KLF8: variants seen among roughly 807,000 people sequenced by gnomAD.
KLF8 encodes Krueppel-like factor 8.
A neutral mutation model predicts 18.2 loss-of-function variants in KLF8; 10 were observed. That is an observed-to-expected ratio of 0.55 (90% confidence interval 0.34 to 0.93). The LOEUF (loss-of-function observed/expected upper bound fraction) is 0.93, where lower values mean the gene tolerates loss of function less well. Ranked by LOEUF, KLF8 falls within the 40% of genes least tolerant of loss-of-function variation. KLF8 has a pLI of 0.02. For missense variants in KLF8, 264 were observed against 277.9 expected, an observed-to-expected ratio of 0.95 and a Z score of 0.36; for synonymous variants, 109 against 97.3, an observed-to-expected ratio of 1.12 and a Z score of -0.71.
At chrX:55,945,049 T>A in the KLF8 span, among the ~76,000 whole-genome samples, 1 of 111,748 alleles carries the variant, frequency 8.9e-6, no homozygotes, top group East Asian at 2.8e-4. Context: ...CTCGTTGGTT[T>A]CAAAGAACAT....
At chrX:56,078,331 A>G in the KLF8 span, among the ~76,000 whole-genome samples, 82 of 112,152 alleles carry the variant, frequency 7.3e-4, no homozygotes, top group African/African-American at 2.6e-3. Context: ...TACTTAATTT[A>G]TTGAGAGTTT....
intron 1 of KLF8, among the ~76,000 whole-genome samples, chrX:56,238,913 A>G (rs889767875): frequency 1.9e-4 from 21 of 112,083 alleles, no homozygotes; most frequent in Non-Finnish European, 1.9e-4. Context: ...TAAACTTACC[A>G]CTTTAGGTTA....
At chrX:56,121,571 A>G in the KLF8 span, among the ~76,000 whole-genome samples, 1 of 100,458 alleles carries the variant, frequency 1.0e-5, no homozygotes, top group Middle Eastern at 4.9e-3. Flanking sequence ...AAGAATTGTG[A>G]TTTATCTTTT....
chrX:56,005,341 A>G, the KLF8 span, among the ~76,000 whole-genome samples: 4 of 111,819 alleles, frequency 3.6e-5, no homozygotes, highest in Non-Finnish European at 7.5e-5. Flanking sequence ...ACTCATTTGT[A>G]TGTGCCAGGA....
At chrX:56,058,285 T>TACACATATATATACATATATATAC in the KLF8 span, among the ~76,000 whole-genome samples, 148 of 42,723 alleles carry the variant, frequency 3.5e-3, no homozygotes, top group Admixed American at 7.9e-3. Flanking sequence ...TATACATATA[T>TACACATATATATACATATATATAC]ATATATATAT....
the KLF8 span, among the ~76,000 whole-genome samples, chrX:55,957,571 C>T: frequency 8.9e-6 from 1 of 111,849 alleles, no homozygotes; most frequent in Non-Finnish European, 1.9e-5. Context: ...TTCTTTCAGC[C>T]ATGTTTGGTA....
At chrX:56,008,907 C>T in the KLF8 span, among the ~76,000 whole-genome samples, 1 of 112,077 alleles carries the variant, frequency 8.9e-6, no homozygotes, top group Admixed American at 9.4e-5. Flanking sequence ...TTCAGCAACT[C>T]CAGCCAGGGT....
At chrX:56,146,651 G>A in the KLF8 span, among the ~76,000 whole-genome samples, 3 of 108,277 alleles carry the variant, frequency 2.8e-5, no homozygotes, top group Non-Finnish European at 3.8e-5. Flanking sequence ...ACCATGGCAT[G>A]TGTATACCTG....
At chrX:56,086,617 T>G in the KLF8 span, among the ~76,000 whole-genome samples, 1 of 111,210 alleles carries the variant, frequency 9.0e-6, no homozygotes, top group Non-Finnish European at 1.9e-5. Context: ...TAAATGTAGC[T>G]TTATTCATAT....
At chrX:56,118,664 A>G in the KLF8 span, among the ~76,000 whole-genome samples, 1 of 111,095 alleles carries the variant, frequency 9.0e-6, no homozygotes, top group East Asian at 2.8e-4. Flanking sequence ...TTAGATTTGC[A>G]CTAAAATCTC....
At chrX:55,988,562 T>A in the KLF8 span, among the ~76,000 whole-genome samples, 1 of 111,541 alleles carries the variant, frequency 9.0e-6, no homozygotes, top group Non-Finnish European at 1.9e-5. Flanking sequence ...TTGGTCTATA[T>A]CTCTGTTTTG....
At chrX:56,080,216 G>A in the KLF8 span, among the ~76,000 whole-genome samples, 11 of 109,603 alleles carry the variant, frequency 1.0e-4, no homozygotes, top group South Asian at 4.1e-4. Context: ...TATTTTGCTC[G>A]TTAGTTGATG....
the KLF8 span, among the ~76,000 whole-genome samples, chrX:56,050,532 A>C: frequency 8.9e-6 from 1 of 112,127 alleles, no homozygotes. Context: ...TGTACCCAGT[A>C]GTCATTCAGG....
chrX:56,049,435 C>T, the KLF8 span, among the ~76,000 whole-genome samples: 12 of 110,470 alleles, frequency 1.1e-4, no homozygotes, highest in Admixed American at 9.7e-4. Context: ...TTTTGAAATA[C>T]GTCCCATCAA....
chrX:55,932,603 A>G, the KLF8 span, among the ~76,000 whole-genome samples: 3 of 111,501 alleles, frequency 2.7e-5, no homozygotes, highest in Non-Finnish European at 5.6e-5. Context: ...TCTGCAAAGT[A>G]TTTTATTTCT....
chrX:56,216,875 G>A, the KLF8 span, among the ~76,000 whole-genome samples: 2 of 111,005 alleles, frequency 1.8e-5, no homozygotes, highest in Non-Finnish European at 3.8e-5. Flanking sequence ...CTCCCTGTTA[G>A]CTTTTACTCA....
chrX:55,983,999 A>G, the KLF8 span, among the ~76,000 whole-genome samples: 1 of 109,298 alleles, frequency 9.1e-6, no homozygotes, highest in Non-Finnish European at 1.9e-5. Flanking sequence ...GTATATGTGT[A>G]TATATAATGA....
chrX:56,009,253 T>C, the KLF8 span, among the ~76,000 whole-genome samples: 1 of 111,038 alleles, frequency 9.0e-6, no homozygotes, highest in Non-Finnish European at 1.9e-5. Flanking sequence ...GGCAGCCATC[T>C]TTTCTGTTCC....
At chrX:56,109,734 C>T in the KLF8 span, among the ~76,000 whole-genome samples, 2 of 105,710 alleles carry the variant, frequency 1.9e-5, no homozygotes, top group African/African-American at 3.5e-5. Context: ...TACAAAATGA[C>T]CTTCTTTGTT....
Sources: allele counts gnomAD v4.1 joint callset (sites outside exome capture counted in the v4.1 genomes callset), GRCh38; gene constraint gnomAD v4.1.1; transcripts MANE v1.5; gene names NCBI Gene and HGNC (gene_info 2026-07-23, HGNC 2026-07-21).